ITGA2: variants seen among roughly 807,000 people sequenced by gnomAD.
The protein encoded by ITGA2 is integrin alpha-2.
ITGA2 carries 101 observed loss-of-function variants against 146.3 expected under a neutral mutation model. The observed-to-expected ratio is 0.69, with a 90% CI of 0.59 to 0.81. ITGA2 has a LOEUF of 0.81. ITGA2 is among the 40% of genes least tolerant of loss of function. The pLI is 0.00. For missense variants in ITGA2, 1,281 were observed against 1,402.7 expected, an observed-to-expected ratio of 0.91 and a Z score of 1.39; for synonymous variants, 477 against 487.1, an observed-to-expected ratio of 0.98 and a Z score of 0.27.
At chr5:53,090,089 A>G (rs199847287) in intron 29 of ITGA2, 27 bp downstream of exon 29, 66 of 1,377,292 alleles carry the variant, frequency 4.8e-5, no homozygotes, top group Non-Finnish European at 6.6e-5. Context: ...ATTTTAAAAT[A>G]CAGGGCTCCT....
At chr5:53,048,858 C>G in intron 6 of ITGA2, 88 bp downstream of exon 6, 3 of 1,397,096 alleles carry the variant, frequency 2.1e-6, no homozygotes, top group Non-Finnish European at 3.0e-6. Flanking sequence ...TTTGTATTTG[C>G]CAAATCCCCA....
intron 4 of ITGA2, among the ~76,000 whole-genome samples, chr5:53,046,479 A>G (rs921945624): frequency 6.6e-6 from 1 of 152,026 alleles, no homozygotes; most frequent in Admixed American, 6.6e-5. Flanking sequence ...ATGATATTCC[A>G]AGGTCTTTAC....
In ITGA2 at chr5:53,091,366, T is replaced by G. The variant is rs1014204930; in HGVS notation, c.*767T>G. 9.2e-5 allele frequency: 14 copies of G among 151,360 alleles called. No individual in the cohort carries two copies. The highest frequency in any genetic ancestry group is 3.4e-4 in the African/African-American group (14 of 40,946). The allele number at this position is 151,360 out of a possible 1,614,324, so 9.4% of individuals were successfully genotyped here. Reference sequence around the variant, plus strand: ...AAAACTCAGAATATAACATGTAAAATCCCATCTGCTAGAAGCCCATCCTGT... The same window carrying G: ...AAAACTCAGAATATAACATGTAAAAGCCCATCTGCTAGAAGCCCATCCTGT... On this transcript the variant is annotated 3_prime_UTR_variant, in exon 30 of 30. Coordinates refer to ENST00000296585, the MANE Select transcript of ITGA2 (RefSeq NM_002203.4).
intron 4 of ITGA2, among the ~76,000 whole-genome samples, chr5:53,046,921 CA>C (rs999291592): frequency 3.2e-4 from 49 of 151,306 alleles, no homozygotes; most frequent in South Asian, 4.2e-4. Context: ...GCTTTTAAAA[CA>C]AAAAAAAATT....
chr5:53,053,196 G>A (rs1309054428), intron 7 of ITGA2, among the ~76,000 whole-genome samples: 2 of 152,044 alleles, frequency 1.3e-5, no homozygotes, highest in Non-Finnish European at 2.9e-5. Flanking sequence ...CATTTTATCT[G>A]TCTTCTTTTT....
At chr5:53,083,878 A>G (rs1746035215) in intron 27 of ITGA2, among the ~76,000 whole-genome samples, 1 of 152,186 alleles carries the variant, frequency 6.6e-6, no homozygotes, top group African/African-American at 2.4e-5. Context: ...TAATTGTATG[A>G]TTGATCTCAA....
At chr5:53,057,383 C>T (rs905336989) in intron 9 of ITGA2, among the ~76,000 whole-genome samples, 2 of 151,938 alleles carry the variant, frequency 1.3e-5, no homozygotes, top group African/African-American at 2.4e-5. Flanking sequence ...ATTAGTGAAA[C>T]GTAGCCATTT....
chr5:52,994,006 C>G (rs556158528), intron 1 of ITGA2, among the ~76,000 whole-genome samples: 1 of 152,210 alleles, frequency 6.6e-6, no homozygotes, highest in South Asian at 2.1e-4. Flanking sequence ...AAGAGTGGCT[C>G]CCTACAGGGG....
chr5:53,025,406 A>AT (rs1418743630), intron 1 of ITGA2, among the ~76,000 whole-genome samples: 2 of 152,232 alleles, frequency 1.3e-5, no homozygotes, highest in East Asian at 3.8e-4. Context: ...CAGAATGAGT[A>AT]TTTGTGTTTC....
chr5:53,005,584 A>C (rs898104017), intron 1 of ITGA2, among the ~76,000 whole-genome samples: 3 of 150,668 alleles, frequency 2.0e-5, no homozygotes, highest in African/African-American at 4.9e-5. Context: ...CTGTGTCAAA[A>C]AAAAAAAAAA....
intron 1 of ITGA2, among the ~76,000 whole-genome samples, chr5:52,999,538 C>T (rs1741465030): frequency 6.6e-6 from 1 of 152,048 alleles, no homozygotes; most frequent in African/African-American, 2.4e-5. Context: ...ATCAGCATAT[C>T]TGTGTTGATA....
chr5:53,028,607 C>T (rs1255832010), intron 2 of ITGA2, among the ~76,000 whole-genome samples: 1 of 152,120 alleles, frequency 6.6e-6, no homozygotes, highest in Non-Finnish European at 1.5e-5. Flanking sequence ...ATATTCAGCC[C>T]TAATTTTTTC....
chr5:53,002,463 C>T (rs1741631218), intron 1 of ITGA2, among the ~76,000 whole-genome samples: 1 of 152,028 alleles, frequency 6.6e-6, no homozygotes, highest in South Asian at 2.1e-4. Flanking sequence ...ATAATCTTTT[C>T]ATAGATATAC....
intron 1 of ITGA2, among the ~76,000 whole-genome samples, chr5:53,006,012 T>C (rs184471519): frequency 1.3e-5 from 2 of 151,646 alleles, no homozygotes; most frequent in East Asian, 3.9e-4. Context: ...AGCTGAACAA[T>C]GACAAGACAT....
chr5:53,062,385 C>T (rs1744941429), intron 12 of ITGA2, among the ~76,000 whole-genome samples: 1 of 151,910 alleles, frequency 6.6e-6, no homozygotes, highest in African/African-American at 2.4e-5. Flanking sequence ...ACCCCTCCTG[C>T]CTTTTGCTAT....
At chr5:53,085,572 A>C (rs1579910880) in intron 27 of ITGA2, among the ~76,000 whole-genome samples, 2 of 152,340 alleles carry the variant, frequency 1.3e-5, no homozygotes, top group Admixed American at 6.5e-5. Flanking sequence ...TCCCCCAATA[A>C]TATGTTTAAG....
Position 53,065,859 on chromosome 5 carries a change from G to A in ITGA2, c.1825G>A (p.Gly609Arg). Residue 609 changes from glycine (G) to arginine (R), a missense_variant, in exon 15 of 30, where the codon GGA (glycine) becomes AGA (arginine). Coordinates refer to ENST00000296585, the MANE Select transcript of ITGA2 (RefSeq NM_002203.4). ...CTTTTAGAAAATCTTGGGATCCGAT[G>A]GAGCCTTTAGGAGCCATCTCCAGTA... is the stretch of plus-strand genomic sequence containing the variant. ...KYSQKILGSD[G>R]AFRSHLQYFG... 6.2e-7 allele frequency: 1 copy of A among 1,611,900 alleles called. No homozygotes were observed. The highest frequency in any genetic ancestry group is 8.5e-7 in the Non-Finnish European group (1 of 1,178,644).
In ITGA2 at chr5:53,087,005, C is replaced by A. The variant is rs755016308; in HGVS notation, c.3312C>A (p.Asn1104Lys). ...LTAAAEINTYNPEIYVIEDNT... is the reference protein window; with the variant it reads ...LTAAAEINTYKPEIYVIEDNT... ...CAGCTGCAGAAATCAACACCTATAA[C>A]CCTGAGATATATGTGATTGAAGATA... The change falls in exon 28 of 30, where the codon AAC becomes AAA. Residue 1104 changes from asparagine (N) to lysine (K), a missense_variant. By Grantham distance (94) the Asn-to-Lys change is moderately conservative. Around this residue, in one of 3 missense-constraint regions of ITGA2, gnomAD observed 475 missense variants for 530.5 expected, o/e 0.90. Transcript: ENST00000296585. The A allele has an allele frequency of 1.2e-5, 19 of 1,613,642 alleles. No homozygotes were observed. Among genetic ancestry groups the A allele is most frequent in the Non-Finnish European group, 1.6e-5 (19 of 1,179,678 alleles).
intron 1 of ITGA2, among the ~76,000 whole-genome samples, chr5:53,007,873 C>T (rs1741935278): frequency 6.6e-6 from 1 of 152,110 alleles, no homozygotes; most frequent in Admixed American, 6.6e-5. Flanking sequence ...CCACAGTACT[C>T]CAGGACTTGA....
Sources: allele counts gnomAD v4.1 joint callset (sites outside exome capture counted in the v4.1 genomes callset), GRCh38; gene constraint gnomAD v4.1.1; regional missense constraint gnomAD v4.1.1; transcripts MANE v1.5; gene names NCBI Gene and HGNC (gene_info 2026-07-23, HGNC 2026-07-21).